The following LRP1B variants were observed in gnomAD, a reference collection of about 807,000 sequenced individuals.
The protein encoded by LRP1B is LDL receptor related protein 1B, also known as low-density lipoprotein receptor-related protein 1B.
A neutral mutation model predicts 556.6 loss-of-function variants in LRP1B; 217 were observed. That is an observed-to-expected ratio of 0.39 (90% CI 0.35 to 0.44). The LOEUF (loss-of-function observed/expected upper bound fraction) is 0.44. Ranked by LOEUF, LRP1B falls within the 20% of genes least tolerant of loss-of-function variation. LRP1B has a pLI of 1.00. For missense variants in LRP1B, 5,053 were observed against 5,620.8 expected, an observed-to-expected ratio of 0.90 and a Z score of 3.23; for synonymous variants, 2,047 against 1,865.8, an observed-to-expected ratio of 1.10 and a Z score of -2.50.
intron 29 of LRP1B, among the ~76,000 whole-genome samples, chr2:140,843,055 GGTTTTTTTTTT>G (rs1692157614): frequency 1.2e-5 from 1 of 80,700 alleles, no homozygotes; most frequent in Non-Finnish European, 2.4e-5. Flanking sequence ...TCTCCAAAGT[GGTTTTTTTTTT>G]GTTTTTTTTT....
chr2:140,391,537 C>A (rs1684020163), intron 66 of LRP1B, among the ~76,000 whole-genome samples: 1 of 152,074 alleles, frequency 6.6e-6, no homozygotes, highest in Admixed American at 6.6e-5. Flanking sequence ...TTAAAATTAC[C>A]TTGCTATTAG....
chr2:141,827,997 G>A (rs1696993730), intron 1 of LRP1B, among the ~76,000 whole-genome samples: 1 of 151,890 alleles, frequency 6.6e-6, no homozygotes, highest in Admixed American at 6.6e-5. Context: ...TCAACAGGCA[G>A]TGCAACATTA....
chr2:140,971,366 T>C (rs567552229), intron 18 of LRP1B, among the ~76,000 whole-genome samples: 283 of 152,240 alleles, frequency 1.9e-3, no homozygotes, highest in South Asian at 3.3e-3. Context: ...CCTAGAGCTT[T>C]TGGAGGAAGC....
intron 1 of LRP1B, among the ~76,000 whole-genome samples, chr2:142,048,608 C>T (rs957076485): frequency 6.6e-6 from 1 of 152,002 alleles, no homozygotes; most frequent in Non-Finnish European, 1.5e-5. Flanking sequence ...TGTTTATTTA[C>T]ACTTGCTACT....
intron 2 of LRP1B, among the ~76,000 whole-genome samples, chr2:141,644,901 C>T (rs1478489403): frequency 3.3e-5 from 5 of 151,856 alleles, no homozygotes; most frequent in South Asian, 2.1e-4. Flanking sequence ...AATTATTTAG[C>T]AATAGTATTA....
At chr2:141,186,078 C>CACAA (rs1681243946) in intron 7 of LRP1B, among the ~76,000 whole-genome samples, 1 of 77,608 alleles carries the variant, frequency 1.3e-5, no homozygotes. Flanking sequence ...GACTCTGTCT[C>CACAA]AAAAAAAAAA....
chr2:141,140,941 T>C (rs544071671), intron 7 of LRP1B, among the ~76,000 whole-genome samples: 2 of 152,272 alleles, frequency 1.3e-5, no homozygotes, highest in South Asian at 2.1e-4. Flanking sequence ...GAAGAAATTG[T>C]ATTTTTAATG....
intron 1 of LRP1B, among the ~76,000 whole-genome samples, chr2:141,993,268 C>T (rs879663961): frequency 9.2e-5 from 14 of 152,056 alleles, no homozygotes; most frequent in Non-Finnish European, 1.6e-4. Context: ...TTATAGGAGC[C>T]CCCTTGCCTC....
chr2:140,702,549 A>T lies in LRP1B; in HGVS notation c.6028T>A (p.Leu2010Met), dbSNP rs1186849532. 2 of 1,613,010 alleles carry T rather than the reference A, an allele frequency of 1.2e-6. No individual in the cohort carries two copies. The highest frequency in any genetic ancestry group is 1.7e-5 in the Admixed American group (1 of 59,846). Residue 2010 changes from leucine (L) to methionine (M), a missense_variant, in exon 38 of 91, where the codon TTG becomes ATG. By Grantham distance (15) the Leu-to-Met change is conservative. Transcript: ENST00000389484. ...ATTTGTCCCCATTCAGTCCAGAACA[A>T]GAGGCTGAAATTAAATTGTTAATTT... ...SIAVHPEKGL[L>M]FWTEWGQMPC...
intron 49 of LRP1B, among the ~76,000 whole-genome samples, chr2:140,524,417 T>C (rs1177847624): frequency 6.6e-6 from 1 of 152,036 alleles, no homozygotes; most frequent in Admixed American, 6.6e-5. Flanking sequence ...GTTTGGAGAT[T>C]TCTCAAAAAC....
At chr2:141,896,089 C>T (rs541731406) in intron 1 of LRP1B, among the ~76,000 whole-genome samples, 2 of 152,212 alleles carry the variant, frequency 1.3e-5, no homozygotes, top group Middle Eastern at 3.4e-3. Flanking sequence ...GTTCTTAGAG[C>T]TTTAGCATAG....
intron 2 of LRP1B, among the ~76,000 whole-genome samples, chr2:141,626,993 C>T (rs1258670653): frequency 6.6e-6 from 1 of 152,100 alleles, no homozygotes; most frequent in Non-Finnish European, 1.5e-5. Context: ...AAAGCCTAAA[C>T]AAAAATGTTT....
chr2:141,198,930 A>G (rs1466631071), intron 6 of LRP1B, among the ~76,000 whole-genome samples: 5 of 152,110 alleles, frequency 3.3e-5, no homozygotes, highest in Non-Finnish European at 2.9e-5. Context: ...ACTTCTTTCT[A>G]TATCTGCTAT....
chr2:140,796,062 T>A (rs1025820411), intron 32 of LRP1B, among the ~76,000 whole-genome samples: 1 of 151,912 alleles, frequency 6.6e-6, no homozygotes, highest in Admixed American at 6.6e-5. Context: ...TATATCTATC[T>A]ATCTATCTAT....
rs905538640 is a variant in LRP1B at position 140,789,811 on chromosome 2, T to C, written c.5360-13573A>G. On this transcript the variant is annotated intron_variant, in intron 32 of 90. Coordinates refer to ENST00000389484, the MANE Select transcript of LRP1B (RefSeq NM_018557.3). ...ACGCCCGGCTAATTTTTTGTATTTT[T>C]AGTAGAGACGGGGTTTCACCGTTTT... 5.8e-4 allele frequency among the ~76,000 whole-genome samples: 87 copies of C among 151,232 alleles called. 1 individual carries two copies. Among genetic ancestry groups the C allele is most frequent in the African/African-American group, 2.0e-3 (84 of 41,280 alleles).
At chr2:140,403,199 A>G (rs1684583366) in intron 66 of LRP1B, among the ~76,000 whole-genome samples, 4 of 152,174 alleles carry the variant, frequency 2.6e-5, no homozygotes, top group Non-Finnish European at 5.9e-5. Flanking sequence ...AGAAACCAGA[A>G]AAGTAATTCT....
At chr2:141,970,939 A>G (rs763538019) in intron 1 of LRP1B, among the ~76,000 whole-genome samples, 17 of 151,576 alleles carry the variant, frequency 1.1e-4, no homozygotes, top group Admixed American at 2.6e-4. Context: ...ATGTTTAAAG[A>G]TGGCAGGATT....
chr2:141,664,181 T>C (rs560872329), intron 2 of LRP1B, among the ~76,000 whole-genome samples: 1 of 152,274 alleles, frequency 6.6e-6, no homozygotes, highest in South Asian at 2.1e-4. Flanking sequence ...TTTGATAAAA[T>C]TCAATGTCCC....
At chr2:141,932,703 G>T (rs1376217258) in intron 1 of LRP1B, among the ~76,000 whole-genome samples, 1 of 151,920 alleles carries the variant, frequency 6.6e-6, no homozygotes, top group African/African-American at 2.4e-5. Context: ...ACTATCTTAT[G>T]AATTATTATT....
Sources: allele counts gnomAD v4.1 joint callset (sites outside exome capture counted in the v4.1 genomes callset), GRCh38; gene constraint gnomAD v4.1.1; transcripts MANE v1.5; gene names NCBI Gene and HGNC (gene_info 2026-07-23, HGNC 2026-07-21).